Variants in TECPR2 observed in about 807,000 individuals in gnomAD.
TECPR2 encodes the protein tectonin beta-propeller repeat-containing protein 2.
Under a neutral mutation model 138.1 loss-of-function variants are expected in TECPR2, and 65 were observed. The observed-to-expected ratio is 0.47, with a 90% CI of 0.39 to 0.58. The LOEUF is 0.58. Among genes scored for constraint, TECPR2 ranks in the 20% least tolerant of loss-of-function variants. The pLI, the probability that TECPR2 is intolerant of heterozygous loss-of-function variation, is 0.00. For missense variants in TECPR2, 1,553 were observed against 1,824.5 expected (o/e 0.85, Z 2.71); for synonymous variants, 746 against 749.8 (o/e 0.99, Z 0.08).
At chr14:102,437,978 G>A in intron 9 of TECPR2, 44 bp from the exon 10 acceptor site, 1 of 1,594,202 alleles carries the variant, frequency 6.3e-7, no homozygotes, top group African/African-American at 1.3e-5. Context: ...GCCAAATGTG[G>A]CTGTGTCCTC....
Position 102,449,767 on chromosome 14 carries a change from C to T in TECPR2, c.3214C>T (p.Gln1072Ter). 2 of 1,614,126 alleles carry T rather than the reference C, an allele frequency of 1.2e-6. No individual in the cohort carries two copies. The highest frequency in any genetic ancestry group is 1.7e-6 in the Non-Finnish European group (2 of 1,180,018). Reference protein sequence around the residue: ...ADKLRMAFWSQQLQCQPSLLG... With the variant: ...ADKLRMAFWS ...TAAGCTGCGCATGGCGTTTTGGTCCCAGCAGCTTCAGTGCCAGCCAAGCCT... is the reference window on the plus strand; with the variant it reads ...TAAGCTGCGCATGGCGTTTTGGTCCTAGCAGCTTCAGTGCCAGCCAAGCCT... Residue 1072 changes from glutamine (Q) to a stop codon, truncating the protein, a stop_gained, in exon 14 of 20, where the codon CAG becomes TAG. Coordinates refer to ENST00000359520, the MANE Select transcript of TECPR2 (RefSeq NM_014844.5). LOFTEE classifies it high-confidence loss of function.
intron 14 of TECPR2, among the ~76,000 whole-genome samples, chr14:102,450,221 T>G (rs1890104445): frequency 6.6e-6 from 1 of 152,146 alleles, no homozygotes; most frequent in Non-Finnish European, 1.5e-5. Context: ...GGGAAGGTGA[T>G]CGCCACTGTT....
At position 102,449,482 on chromosome 14, in the gene TECPR2, C is replaced by G. The variant is rs574924182; in HGVS notation, c.3076-147C>G. The G allele has an allele frequency of 3.1e-6, 4 of 1,306,658 alleles. No individual in the cohort carries two copies. The African/African-American group carries it at 4.4e-5, about 14-fold the overall frequency. 80.9% of individuals were successfully genotyped at this position (1,306,658 alleles called of 1,614,324 possible). A position where few individuals can be genotyped will look rare whatever the true frequency, so the allele number is the denominator to read the frequency against. ...CACATTTTTTTGGTCCTTTCACAAGCGCACACGTGCACATTTGTGTTTGGA... is the reference window on the plus strand; with the variant it reads ...CACATTTTTTTGGTCCTTTCACAAGGGCACACGTGCACATTTGTGTTTGGA... On this transcript the variant is annotated intron_variant, in intron 13 of 19. Coordinates refer to ENST00000359520, the MANE Select transcript of TECPR2 (RefSeq NM_014844.5).
chr14:102,458,768 A>T (rs1394800989), intron 16 of TECPR2, among the ~76,000 whole-genome samples: 3 of 151,656 alleles, frequency 2.0e-5, no homozygotes, highest in Non-Finnish European at 4.4e-5. Flanking sequence ...GCACCTCCCC[A>T]CCAGACATTC....
At chr14:102,399,449 A>G (rs1888410567) in intron 2 of TECPR2, among the ~76,000 whole-genome samples, 1 of 152,178 alleles carries the variant, frequency 6.6e-6, no homozygotes, top group East Asian at 1.9e-4. Flanking sequence ...TTCATTAGCC[A>G]CAAGACCTGC....
At chr14:102,497,983 C>T in intron 19 of TECPR2, 120 bp from the exon 20 acceptor site, 7 of 1,062,532 alleles carry the variant, frequency 6.6e-6, no homozygotes, top group Non-Finnish European at 8.1e-6. Flanking sequence ...GGTGGCTTGT[C>T]CAGTGTCCCC....
rs995142814 is a variant in TECPR2 at position 102,394,109 on chromosome 14, A to T, written c.220-13229A>T. The stretch of plus-strand genomic sequence containing the variant: ...GCCAGTGAATTCTGTTAATGGTATC[A>T]TTCATCTCATGTTACCCAACTCCAG... On this transcript the variant is annotated intron_variant, in intron 2 of 19. Transcript: ENST00000359520. Among the ~76,000 whole-genome samples the T allele has an allele frequency of 2.0e-5, 3 of 152,206 alleles. No homozygotes were observed. In the South Asian group the frequency reaches 6.2e-4, roughly 31 times the overall value.
In TECPR2 at chr14:102,379,831, G is replaced by A. The variant is rs1261601513; in HGVS notation, c.219+2891G>A. ...CATCTTAAAATCCATGCACAGAGGC[G>A]TCCTAGTCACACTGCTGAAGATCAC... is the stretch of plus-strand genomic sequence containing the variant. On this transcript the variant is annotated intron_variant, in intron 2 of 19. Transcript: ENST00000359520. Among the ~76,000 whole-genome samples, 10 of 129,000 alleles carry A rather than the reference G, an allele frequency of 7.8e-5. 1 individual carries two copies. Among genetic ancestry groups the A allele is most frequent in the East Asian group, 2.5e-4 (1 of 3,964 alleles). 84.6% of individuals were successfully genotyped at this position (129,000 alleles called of 152,430 possible). A position where few individuals can be genotyped will look rare whatever the true frequency, so the allele number is the denominator to read the frequency against.
chr14:102,443,844 G>A lies in TECPR2; in HGVS notation c.2933+17G>A. 6.5e-7 allele frequency: 1 copy of A among 1,545,096 alleles called. No individual in the cohort carries two copies. Among genetic ancestry groups the A allele is most frequent in the Non-Finnish European group, 8.8e-7 (1 of 1,134,562 alleles). On this transcript the variant is annotated intron_variant, in intron 12 of 19. Transcript: ENST00000359520. This position sits in a 1 kb window ranked among gnomAD's most constrained non-coding sequence, Gnocchi z 4.9. Reference sequence around the variant, plus strand: ...CATTGTCAGGTACTGGCGGGCCAGAGACTCCTTTCACATCGTGCTTGTCCT... The same window carrying A: ...CATTGTCAGGTACTGGCGGGCCAGAAACTCCTTTCACATCGTGCTTGTCCT...
intron 5 of TECPR2, 54 bp from the exon 6 acceptor site, chr14:102,424,925 T>C: frequency 6.6e-7 from 1 of 1,526,450 alleles, no homozygotes; most frequent in Non-Finnish European, 8.9e-7. Context: ...ACTGCATTAC[T>C]TTAAATCAGT....
In TECPR2 at chr14:102,501,068, A is replaced by G. The variant is rs1197508644; in HGVS notation, c.*2811A>G. 6.6e-6 allele frequency: 1 copy of G among 152,244 alleles called. No homozygotes were observed. The highest frequency in any genetic ancestry group is 1.5e-5 in the Non-Finnish European group (1 of 68,080). 9.4% of individuals were successfully genotyped at this position (152,244 alleles called of 1,614,324 possible). On this transcript the variant is annotated 3_prime_UTR_variant, in exon 20 of 20. Coordinates refer to ENST00000359520, the MANE Select transcript of TECPR2 (RefSeq NM_014844.5). Reference sequence around the variant, plus strand: ...AAGTGATGACAGGTGGAGCCCCAGCAGGGGCCACTCTATTGAATGGCATGG... The same window carrying G: ...AAGTGATGACAGGTGGAGCCCCAGCGGGGGCCACTCTATTGAATGGCATGG...
At chr14:102,477,957 AGAGTT>A (rs1355082416) in intron 17 of TECPR2, among the ~76,000 whole-genome samples, 37 of 146,392 alleles carry the variant, frequency 2.5e-4, no homozygotes, top group African/African-American at 9.0e-4. Context: ...AAAAAAAAAA[AGAGTT>A]AGCCAGGACG....
At position 102,482,957 on chromosome 14, in the gene TECPR2, C is replaced by T. The variant is rs537302806; in HGVS notation, c.3790-14022C>T. On this transcript the variant is annotated intron_variant, in intron 17 of 19. Coordinates refer to ENST00000359520, the MANE Select transcript of TECPR2 (RefSeq NM_014844.5). Reference sequence around the variant, plus strand: ...CTCCCAGGTTCACGCCATTCTCCTGCCTCAGCCTCCCGAGTAGCTGGGACT... The same window carrying T: ...CTCCCAGGTTCACGCCATTCTCCTGTCTCAGCCTCCCGAGTAGCTGGGACT... Among the ~76,000 whole-genome samples the T allele has an allele frequency of 2.2e-3, 338 of 150,596 alleles. 2 individuals carry two copies. The highest frequency in any genetic ancestry group is 4.1e-3 in the Non-Finnish European group (275 of 67,772).
intron 17 of TECPR2, 63 bp downstream of exon 17, chr14:102,465,352 T>C (rs757511743): frequency 1.5e-5 from 24 of 1,590,738 alleles, no homozygotes; most frequent in Admixed American, 3.6e-5. Flanking sequence ...AGGATGCTGG[T>C]ACTGGGAAAA....
intron 1 of TECPR2, among the ~76,000 whole-genome samples, chr14:102,368,929 A>T (rs1434608742): frequency 6.6e-6 from 1 of 152,130 alleles, no homozygotes; most frequent in Non-Finnish European, 1.5e-5. Context: ...TTGAGGGTGA[A>T]TACTAGGATT....
intron 17 of TECPR2, among the ~76,000 whole-genome samples, chr14:102,482,214 C>T (rs1202523305): frequency 6.6e-6 from 1 of 152,086 alleles, no homozygotes; most frequent in Non-Finnish European, 1.5e-5. Flanking sequence ...GCCACCACAC[C>T]CAGCTAATTT....
In TECPR2 at chr14:102,438,004, T is replaced by G; in HGVS notation, c.2395-18T>G. On this transcript the variant is annotated intron_variant, in intron 9 of 19. Transcript: ENST00000359520. ...CTGTGTCCTCTGCCACAGAACTCAC[T>G]GGCTCTTCCCTTGTTAGTTTGCAGA... is the stretch of plus-strand genomic sequence containing the variant. 1 of 1,611,184 alleles carries G rather than the reference T, an allele frequency of 6.2e-7. No homozygotes were observed. Among genetic ancestry groups the G allele is most frequent in the Non-Finnish European group, 8.5e-7 (1 of 1,178,408 alleles).
intron 17 of TECPR2, among the ~76,000 whole-genome samples, chr14:102,476,706 GAAAT>G (rs140986625): frequency 0.014 from 2,100 of 152,288 alleles, 20 homozygotes; most frequent in Middle Eastern, 0.024. Context: ...CAAATTTGAT[GAAAT>G]AATTATGCTG....
At chr14:102,402,899 A>C (rs921104760) in intron 2 of TECPR2, among the ~76,000 whole-genome samples, 2 of 152,212 alleles carry the variant, frequency 1.3e-5, no homozygotes, top group African/African-American at 4.8e-5. Flanking sequence ...CAATAATCAA[A>C]TATCTCCTTG....
Sources: allele counts gnomAD v4.1 joint callset (sites outside exome capture counted in the v4.1 genomes callset), GRCh38; gene constraint gnomAD v4.1.1; non-coding constraint Gnocchi (gnomAD v3.1); transcripts MANE v1.5; gene names NCBI Gene and HGNC (gene_info 2026-07-23, HGNC 2026-07-21).